The following AKAP8L variants were observed in gnomAD, a reference collection of about 807,000 sequenced individuals.
The protein encoded by AKAP8L is A-kinase anchoring protein 8 like.
In AKAP8L, 34 loss-of-function variants were observed where a neutral mutation model predicts 77.5. The observed-to-expected ratio is 0.44, with a 90% CI of 0.33 to 0.58. The LOEUF is 0.58. AKAP8L is among the 20% of genes least tolerant of loss of function. AKAP8L has a pLI of 0.02. For synonymous variants in AKAP8L, 342 were observed against 340.7 expected (o/e 1.00, Z -0.04); for missense variants, 806 against 887.6 (o/e 0.91, Z 1.17).
chr19:15,416,550 T>G (rs2145155246), intron 1 of AKAP8L, among the ~76,000 whole-genome samples: 1 of 152,342 alleles, frequency 6.6e-6, no homozygotes, highest in Middle Eastern at 3.4e-3. Context: ...TCAGTCAGGC[T>G]TTCAGATGAC....
At chr19:15,412,996 G>GT (rs1968136194) in intron 1 of AKAP8L, among the ~76,000 whole-genome samples, 1 of 152,174 alleles carries the variant, frequency 6.6e-6, no homozygotes, top group South Asian at 2.1e-4. Flanking sequence ...ACCTACAGAA[G>GT]TGCCTTCCCC....
chr19:15,414,059 CTTTTTTTTTTT>C (rs755252182), intron 1 of AKAP8L, among the ~76,000 whole-genome samples: 2 of 119,986 alleles, frequency 1.7e-5, no homozygotes, highest in East Asian at 2.3e-4. Context: ...ATGAATAATT[CTTTTTTTTTTT>C]TTTTTTTTTT....
At position 15,397,960 on chromosome 19, in the gene AKAP8L, G is replaced by T. The variant is rs976337596; in HGVS notation, c.1158-105C>A. 1.4e-5 allele frequency: 20 copies of T among 1,427,032 alleles called. No homozygotes were observed. The highest frequency in any genetic ancestry group is 1.7e-5 in the Non-Finnish European group (18 of 1,052,712). The allele number at this position is 1,427,032 out of a possible 1,614,324, so 88.4% of individuals were successfully genotyped here. ...AAGCCCTGAAACAGGCCTTGCTCAC[G>T]GGCCTCTGAAGTACGGTCCCAGCAG... On this transcript the variant is annotated intron_variant, in intron 9 of 13. Transcript: ENST00000397410. This position sits in a 1 kb window ranked among gnomAD's most constrained non-coding sequence, Gnocchi z 4.7.
intron 12 of AKAP8L, among the ~76,000 whole-genome samples, chr19:15,393,250 A>C (rs1967700809): frequency 1.3e-5 from 2 of 152,204 alleles, no homozygotes. Flanking sequence ...AGAAGAAAAC[A>C]CAGGGGTAAA....
chr19:15,400,864 T>A lies in AKAP8L; in HGVS notation c.914A>T (p.Asp305Val). 1 of 1,613,900 alleles carries A rather than the reference T, an allele frequency of 6.2e-7. No homozygotes were observed. The highest frequency in any genetic ancestry group is 8.5e-7 in the Non-Finnish European group (1 of 1,179,850). ...TGTGGCTTCCCCCTCGGTGCCCTCA[T>A]CTGAAAGGGAAAAGGAGGTAAGCTC... ...DCSDNSDSDN[D>V]EGTEGEATEG... The change falls in exon 7 of 14, where the codon GAT (aspartate) becomes GTT (valine). Residue 305 changes from aspartate to valine, a missense_variant and splice_region_variant. Asp to Val is a radical substitution (Grantham distance 152). This residue lies in a region of AKAP8L where 580 missense variants were observed against 694.1 expected (regional missense o/e 0.84). Transcript: ENST00000397410.
intron 1 of AKAP8L, among the ~76,000 whole-genome samples, chr19:15,418,366 C>A (rs1349150288): frequency 6.6e-6 from 1 of 152,212 alleles, no homozygotes; most frequent in Non-Finnish European, 1.5e-5. Context: ...AGGCTCCCCG[C>A]TCAGCCCAAA....
intron 1 of AKAP8L, among the ~76,000 whole-genome samples, chr19:15,418,307 A>G (rs534500847): frequency 6.6e-6 from 1 of 152,352 alleles, no homozygotes; most frequent in African/African-American, 2.4e-5. Flanking sequence ...CGCAGAGGGA[A>G]TTAACATGGA....
chr19:15,396,863 T>C (rs564056469), intron 12 of AKAP8L, among the ~76,000 whole-genome samples: 1 of 152,352 alleles, frequency 6.6e-6, no homozygotes, highest in East Asian at 1.9e-4. Flanking sequence ...ACACTTGCAC[T>C]GTATCATCTC....
At chr19:15,405,329 T>C (rs183157014) in intron 2 of AKAP8L, among the ~76,000 whole-genome samples, 1 of 150,876 alleles carries the variant, frequency 6.6e-6, no homozygotes. Flanking sequence ...AGGTCAGGAG[T>C]TTGAAACCAG....
chr19:15,407,756 T>G (rs975368803), intron 2 of AKAP8L, among the ~76,000 whole-genome samples: 1 of 152,214 alleles, frequency 6.6e-6, no homozygotes, highest in Non-Finnish European at 1.5e-5. Context: ...CATACTGCAC[T>G]CATGAATCAG....
chr19:15,380,219 G>GCGC lies in AKAP8L; in HGVS notation c.1841_1843dup (p.Gly614dup). 6.6e-7 allele frequency: 1 copy of GCGC among 1,509,436 alleles called. No individual in the cohort carries two copies. The highest frequency in any genetic ancestry group is 8.8e-7 in the Non-Finnish European group (1 of 1,137,426). The allele number at this position is 1,509,436 out of a possible 1,614,324, so 93.5% of individuals were successfully genotyped here. A position where few individuals can be genotyped will look rare whatever the true frequency, so the allele number is the denominator to read the frequency against. ...CAGCGCCCCTCCCAGCAAGGGCACG[G>GCGC]CGCCCTCCTCCTCCTCCTCTGGGGG... On this transcript the variant is annotated inframe_insertion, in exon 14 of 14. Transcript: ENST00000397410.
In AKAP8L at chr19:15,399,785, G is replaced by A. The variant is rs148452028; in HGVS notation, c.1049-375C>T. 4 of 333,820 alleles carry A rather than the reference G, an allele frequency of 1.2e-5. No individual in the cohort carries two copies. Among genetic ancestry groups the A allele is most frequent in the Non-Finnish European group, 2.3e-5 (4 of 176,130 alleles). 20.7% of individuals were successfully genotyped at this position (333,820 alleles called of 1,614,324 possible). On this transcript the variant is annotated intron_variant, in intron 8 of 13. Transcript: ENST00000397410. The surrounding 1 kb of genome is among the most constrained non-coding windows in gnomAD (Gnocchi z 6.1). ...CACATGGCCCTGCCCACCCCCAACC[G>A]GGCACCGCGGCAACAGTGGGCTGAC...
In AKAP8L at chr19:15,400,341, C is replaced by T. The variant is rs1251975554; in HGVS notation, c.1002G>A (p.Glu334=). The T allele has an allele frequency of 1.9e-6, 3 of 1,613,822 alleles. No individual in the cohort carries two copies. Among genetic ancestry groups the T allele is most frequent in the East Asian group, 2.2e-5 (1 of 44,890 alleles). ...KGSRVDGEDE[E]GKEDGREEGK... is the part of the protein sequence containing the mutation. ...CTTCTTCTCTCCCATCCTCTTTTCC[C>T]TCCTCATCCTCTCCGTCCTAACAAT... The change falls in exon 8 of 14, where the codon GAG becomes GAA. Residue 334 remains glutamate (E), a synonymous_variant. Coordinates refer to ENST00000397410, the MANE Select transcript of AKAP8L (RefSeq NM_014371.4).
intron 2 of AKAP8L, among the ~76,000 whole-genome samples, chr19:15,406,724 C>CA (rs964707301): frequency 7.3e-4 from 111 of 152,096 alleles, no homozygotes; most frequent in African/African-American, 2.6e-3. Flanking sequence ...CTCAGCCTCT[C>CA]AGAGTGCTGA....
chr19:15,383,925 T>A (rs1967470650), intron 12 of AKAP8L: 1 of 130,966 alleles, frequency 7.6e-6, no homozygotes, highest in Non-Finnish European at 1.6e-5. Flanking sequence ...TAAGGTCTAT[T>A]TCTTTTTTTT....
rs957790348 is a variant in AKAP8L, at chr19:15,380,197, C to T, written c.1866G>A (p.Ala622=). ...GGATGCCGCGGATCTGGCGTTGCAG[C>T]GCCCCTCCCAGCAAGGGCACGGCGC... The part of the protein sequence containing the change: ...EEGAVPLLGG[A]LQRQIRGIPG... The change falls in exon 14 of 14, where the codon GCG becomes GCA. Residue 622 remains alanine (A), a synonymous_variant. Transcript: ENST00000397410. 6.6e-7 allele frequency: 1 copy of T among 1,507,488 alleles called. No homozygotes were observed. Among genetic ancestry groups the T allele is most frequent in the Non-Finnish European group, 8.8e-7 (1 of 1,136,640 alleles). 93.4% of individuals were successfully genotyped at this position (1,507,488 alleles called of 1,614,324 possible).
intron 1 of AKAP8L, among the ~76,000 whole-genome samples, chr19:15,415,624 T>C (rs545445287): frequency 4.5e-4 from 68 of 152,232 alleles, no homozygotes; most frequent in East Asian, 5.8e-4. Flanking sequence ...CAGTGGCTCA[T>C]GCCCGTAATC....
intron 1 of AKAP8L, among the ~76,000 whole-genome samples, chr19:15,410,855 C>T (rs958489707): frequency 1.3e-5 from 2 of 152,262 alleles, no homozygotes; most frequent in East Asian, 1.9e-4. Flanking sequence ...TCACTCTGTC[C>T]GGGCTGCAAC....
At position 15,403,529 on chromosome 19, in the gene AKAP8L, G is replaced by T; in HGVS notation, c.308C>A (p.Pro103Gln). Residue 103 changes from proline to glutamine, a missense_variant, in exon 4 of 14, where the codon CCG becomes CAG. Coordinates refer to ENST00000397410, the MANE Select transcript of AKAP8L (RefSeq NM_014371.4). This position sits in a 1 kb window ranked among gnomAD's most constrained non-coding sequence, Gnocchi z 4.3. ...SRINQRLDMVPHLETDMMQGG... is the reference protein window; with the variant it reads ...SRINQRLDMVQHLETDMMQGG... ...TTGCATCATGTCTGTCTCCAAATGC[G>T]GCACCATATCTAAGCGCTGGTTAAT... The T allele has an allele frequency of 6.2e-7, 1 of 1,613,954 alleles. No homozygotes were observed. Among genetic ancestry groups the T allele is most frequent in the Non-Finnish European group, 8.5e-7 (1 of 1,179,884 alleles).
Sources: allele counts gnomAD v4.1 joint callset (sites outside exome capture counted in the v4.1 genomes callset), GRCh38; gene constraint gnomAD v4.1.1; regional missense constraint gnomAD v4.1.1; non-coding constraint Gnocchi (gnomAD v3.1); transcripts MANE v1.5; gene names NCBI Gene and HGNC (gene_info 2026-07-23, HGNC 2026-07-21).